Variants in PALLD observed in about 807,000 individuals in gnomAD.
PALLD encodes palladin, cytoskeletal associated protein.
In PALLD, 61 loss-of-function variants were observed where a neutral mutation model predicts 123.5. That is an observed-to-expected ratio of 0.49 (90% confidence interval 0.40 to 0.61). The LOEUF (loss-of-function observed/expected upper bound fraction) is 0.61, where lower values mean the gene tolerates loss of function less well. Among genes scored for constraint, PALLD ranks in the 20% least tolerant of loss-of-function variants. The probability of loss-of-function intolerance (pLI) is 0.00; values close to 1 mark genes in which losing one functional copy is unlikely to be tolerated. For missense variants in PALLD, 1,273 were observed against 1,377.0 expected (o/e 0.92, Z 1.20); for synonymous variants, 465 against 496.4 (o/e 0.94, Z 0.84).
At chr4:168,570,724 AT>A (rs888750180) in intron 2 of PALLD, among the ~76,000 whole-genome samples, 7 of 152,118 alleles carry the variant, frequency 4.6e-5, no homozygotes, top group African/African-American at 1.2e-4. Context: ...CTAGAGGGAC[AT>A]TTTTTTATAG....
intron 10 of PALLD, among the ~76,000 whole-genome samples, chr4:168,757,335 C>A (rs534865887): frequency 6.6e-6 from 1 of 152,140 alleles, no homozygotes; most frequent in Non-Finnish European, 1.5e-5. Context: ...AGGGTGAGTG[C>A]CTGAAAGGCT....
In PALLD at chr4:168,612,563, C is replaced by T. The variant is rs148505685; in HGVS notation, c.909-55627C>T. ...GGTAATAATTTTATCTAAGGTACAG[C>T]TGTGCATTGTTCTTTAGGTCGAAAA... is the stretch of plus-strand genomic sequence containing the variant. On this transcript the variant is annotated intron_variant, in intron 2 of 21. Coordinates refer to ENST00000505667, the MANE Select transcript of PALLD (RefSeq NM_001166108.2). Among the ~76,000 whole-genome samples, 400 of 152,294 alleles carry T rather than the reference C, an allele frequency of 2.6e-3. 1 individual carries two copies. Among genetic ancestry groups the T allele is most frequent in the African/African-American group, 8.5e-3 (354 of 41,548 alleles).
At chr4:168,819,105 C>G (rs376896926) in intron 10 of PALLD, among the ~76,000 whole-genome samples, 27 of 152,158 alleles carry the variant, frequency 1.8e-4, no homozygotes, top group Non-Finnish European at 3.5e-4. Context: ...ACCTATCCAG[C>G]AAATATAAGT....
chr4:168,678,894 G>A (rs1301254741), intron 3 of PALLD, among the ~76,000 whole-genome samples: 1 of 146,354 alleles, frequency 6.8e-6, no homozygotes, highest in Admixed American at 6.8e-5. Context: ...GTGGTGTGGT[G>A]AGGTGTGTAT....
chr4:168,914,479 A>G (rs1759695325), intron 16 of PALLD, among the ~76,000 whole-genome samples: 1 of 152,214 alleles, frequency 6.6e-6, no homozygotes, highest in Non-Finnish European at 1.5e-5. Flanking sequence ...ACATAAGACC[A>G]TTAGACTACA....
At chr4:168,863,050 A>G (rs3890794) in intron 10 of PALLD, among the ~76,000 whole-genome samples, 11,378 of 152,258 alleles carry the variant, frequency 0.075, 772 homozygotes, top group East Asian at 0.4. Context: ...AATGCTAAAT[A>G]ATGACTATCG....
intron 10 of PALLD, among the ~76,000 whole-genome samples, chr4:168,715,330 G>A (rs546771157): frequency 3.3e-5 from 5 of 152,260 alleles, no homozygotes; most frequent in Admixed American, 2.0e-4. Context: ...CAGATGACCT[G>A]CACACAGGAT....
intron 2 of PALLD, among the ~76,000 whole-genome samples, chr4:168,663,594 C>A (rs999424570): frequency 6.6e-6 from 1 of 152,180 alleles, no homozygotes; most frequent in Non-Finnish European, 1.5e-5. Context: ...GTCTTTAACA[C>A]CTCTAGGAAC....
intron 6 of PALLD, among the ~76,000 whole-genome samples, chr4:168,686,880 GT>G (rs1782113553): frequency 2.0e-5 from 3 of 152,182 alleles, no homozygotes; most frequent in Admixed American, 1.3e-4. Flanking sequence ...ATAGCAAGAC[GT>G]TTTAAAGGTA....
intron 2 of PALLD, among the ~76,000 whole-genome samples, chr4:168,544,526 TA>T (rs1371443781): frequency 6.6e-6 from 1 of 152,228 alleles, no homozygotes; most frequent in Non-Finnish European, 1.5e-5. Context: ...ATAAATAAAT[TA>T]AGCCAACCAT....
chr4:168,878,386 CACCCCCGCGTGAGTA>C, intron 10 of PALLD: 1 of 1,495,832 alleles, frequency 6.7e-7, no homozygotes, highest in Non-Finnish European at 8.9e-7. Flanking sequence ...CCAAGGGTGT[CACCCCCGCGTGAGTA>C]ACCGCCGCGG....
chr4:168,794,322 C>T (rs1738088988), intron 10 of PALLD, among the ~76,000 whole-genome samples: 1 of 152,186 alleles, frequency 6.6e-6, no homozygotes, highest in East Asian at 1.9e-4. Flanking sequence ...TTACTCAGGC[C>T]CTCTAAGGGG....
intron 2 of PALLD, among the ~76,000 whole-genome samples, chr4:168,597,301 G>T (rs1323135270): frequency 6.6e-6 from 1 of 151,996 alleles, no homozygotes; most frequent in Non-Finnish European, 1.5e-5. Context: ...GGGGAAACAG[G>T]CACTCTCATA....
At chr4:168,709,773 A>G (rs1274519536) in intron 9 of PALLD, among the ~76,000 whole-genome samples, 3 of 151,958 alleles carry the variant, frequency 2.0e-5, no homozygotes, top group Non-Finnish European at 4.4e-5. Flanking sequence ...GGGGAGAAGA[A>G]GGAGTGAAGT....
At position 168,827,673 on chromosome 4, in the gene PALLD, A is replaced by C. The variant is rs888643522; in HGVS notation, c.1965-63249A>C. On this transcript the variant is annotated intron_variant, in intron 10 of 21. Transcript: ENST00000505667. ...GAGCCCTTGCAAAGGTAGCAAGTACAATAGAAGAAACAGGCCATTCAGGCA... is the reference window on the plus strand; with the variant it reads ...GAGCCCTTGCAAAGGTAGCAAGTACCATAGAAGAAACAGGCCATTCAGGCA... Among the ~76,000 whole-genome samples the C allele has an allele frequency of 3.3e-5, 5 of 152,254 alleles. No homozygotes were observed. The East Asian group carries it at 9.6e-4, about 29-fold the overall frequency.
intron 2 of PALLD, among the ~76,000 whole-genome samples, chr4:168,638,697 T>C (rs138801996): frequency 1.1e-3 from 170 of 152,224 alleles, no homozygotes; most frequent in African/African-American, 3.9e-3. Flanking sequence ...ATCTCACGTA[T>C]TGGAAGAACT....
At chr4:168,720,951 G>A (rs1042629583) in intron 10 of PALLD, among the ~76,000 whole-genome samples, 1 of 152,054 alleles carries the variant, frequency 6.6e-6, no homozygotes, top group African/African-American at 2.4e-5. Context: ...TAGATATTAG[G>A]CTAATTGTGC....
intron 10 of PALLD, among the ~76,000 whole-genome samples, chr4:168,735,088 T>G (rs57459317): frequency 0.09 from 13,734 of 152,292 alleles, 612 homozygotes; most frequent in South Asian, 0.13. Context: ...ATTGAGCCTG[T>G]TATTCATTGA....
In PALLD at chr4:168,836,681, G is replaced by A. The variant is rs114107142; in HGVS notation, c.1965-54241G>A. 6.4e-3 allele frequency among the ~76,000 whole-genome samples: 972 copies of A among 152,318 alleles called. 4 individuals are homozygous for A. Among genetic ancestry groups the A allele is most frequent in the Middle Eastern group, 0.051 (15 of 294 alleles). ...CACGCAGGAGACTCTTAAGCTTGGC[G>A]TTGACGTCTATGACATTCGGATGCC... On this transcript the variant is annotated intron_variant, in intron 10 of 21. Transcript: ENST00000505667.
Sources: gnomAD v4.1 joint callset for allele counts (sites outside exome capture counted in the v4.1 genomes callset) on GRCh38, gnomAD v4.1.1 for gene constraint, MANE v1.5 for transcripts, NCBI Gene and HGNC (gene_info 2026-07-23, HGNC 2026-07-21) for gene names.